ATP10B: variants seen among roughly 807,000 people sequenced by gnomAD.
ATP10B encodes the protein ATPase phospholipid transporting 10B (putative), also known as phospholipid-transporting ATPase VB.
In ATP10B, 122 loss-of-function variants were observed where a neutral mutation model predicts 141.2. The observed-to-expected ratio is 0.86, with a 90% CI of 0.75 to 1.00. The LOEUF (loss-of-function observed/expected upper bound fraction) is 1.00. Among genes scored for constraint, ATP10B ranks in the 50% least tolerant of loss-of-function variants. The pLI, the probability that ATP10B is intolerant of heterozygous loss-of-function variation, is 0.00. For missense variants in ATP10B, 1,876 were observed against 1,825.3 expected (o/e 1.03, Z -0.51); for synonymous variants, 685 against 692.0 (o/e 0.99, Z 0.16).
chr5:160,814,845 A>G (rs1773477887), intron 1 of ATP10B, among the ~76,000 whole-genome samples: 3 of 152,322 alleles, frequency 2.0e-5, no homozygotes, highest in African/African-American at 7.2e-5. Context: ...ATTCTTAAAG[A>G]AAAGATTTTT....
At chr5:160,577,000 T>G (rs749837118) in intron 24 of ATP10B, among the ~76,000 whole-genome samples, 1 of 152,176 alleles carries the variant, frequency 6.6e-6, no homozygotes, top group Non-Finnish European at 1.5e-5. Context: ...TCCAAACACC[T>G]CAGCTGGAAT....
chr5:160,871,616 G>A, the ATP10B span, among the ~76,000 whole-genome samples: 9 of 152,158 alleles, frequency 5.9e-5, no homozygotes, highest in South Asian at 2.1e-4. Flanking sequence ...GAGAACATAC[G>A]ATGTTTGGTT....
rs900769908 is a variant in ATP10B at position 160,640,708 on chromosome 5, C to A, written c.869-116G>T. On this transcript the variant is annotated intron_variant, in intron 9 of 25. Coordinates refer to ENST00000327245, the MANE Select transcript of ATP10B (RefSeq NM_025153.3). ...TAAAAGAGAGGCTTCACTCTTTAAC[C>A]TGAACTTGCCCCGCCTCAGAAGGTT... The A allele has an allele frequency of 1.7e-4, 231 of 1,367,570 alleles. 1 individual carries two copies. The highest frequency in any genetic ancestry group is 4.1e-5 in the Non-Finnish European group (41 of 1,008,840). 84.7% of individuals were successfully genotyped at this position (1,367,570 alleles called of 1,614,324 possible). A position where few individuals can be genotyped will look rare whatever the true frequency, so the allele number is the denominator to read the frequency against.
Position 160,620,478 on chromosome 5 carries a change from C to A in ATP10B, c.2285G>T (p.Cys762Phe). 1.2e-6 allele frequency: 2 copies of A among 1,614,222 alleles called. No homozygotes were observed. Among genetic ancestry groups the A allele is most frequent in the Non-Finnish European group, 1.7e-6 (2 of 1,180,044 alleles). Residue 762 changes from cysteine (C) to phenylalanine (F), a missense_variant, in exon 15 of 26, where the codon TGC becomes TTC. By Grantham distance (205) the Cys-to-Phe change is radical. Coordinates refer to ENST00000327245, the MANE Select transcript of ATP10B (RefSeq NM_025153.3). ...CCTGACAGAGTCAAAGCCCAGGGTG[C>A]AGAGGAGGCTGAAGGTGAGGCAGGT... Reference protein sequence around the residue: ...QGTCLTFSLLCTLGFDSVRKR... With the variant: ...QGTCLTFSLLFTLGFDSVRKR...
At chr5:160,616,043 TCTC>T in intron 16 of ATP10B, 79 bp from the exon 17 acceptor site, 1 of 1,514,450 alleles carries the variant, frequency 6.6e-7, no homozygotes, top group South Asian at 1.3e-5. Flanking sequence ...ACCTGCTGGG[TCTC>T]CTATTGGCCT....
chr5:160,813,147 G>C (rs1773294428), intron 1 of ATP10B, among the ~76,000 whole-genome samples: 1 of 152,160 alleles, frequency 6.6e-6, no homozygotes, highest in Non-Finnish European at 1.5e-5. Flanking sequence ...CAGGACAGTG[G>C]GTGCAGTGCA....
chr5:160,572,893 T>C (rs1411932284), intron 24 of ATP10B, among the ~76,000 whole-genome samples: 3 of 152,236 alleles, frequency 2.0e-5, no homozygotes. Context: ...GTCTTACAGA[T>C]ACAATTAAAG....
At chr5:160,732,567 C>A (rs572362035) in intron 2 of ATP10B, among the ~76,000 whole-genome samples, 1 of 152,220 alleles carries the variant, frequency 6.6e-6, no homozygotes, top group South Asian at 2.1e-4. Flanking sequence ...TATGTTTTCC[C>A]AGTGTAAGTT....
intron 1 of ATP10B, among the ~76,000 whole-genome samples, chr5:160,815,444 C>A (rs1468737574): frequency 1.3e-5 from 2 of 152,118 alleles, no homozygotes; most frequent in Non-Finnish European, 2.9e-5. Flanking sequence ...GCTAACTATC[C>A]TAAATATATA....
chr5:160,823,842 A>C (rs1276448712), intron 1 of ATP10B, among the ~76,000 whole-genome samples: 1 of 152,240 alleles, frequency 6.6e-6, no homozygotes, highest in Non-Finnish European at 1.5e-5. Flanking sequence ...TCCAAAAAAC[A>C]AACAAAATAA....
the ATP10B span, among the ~76,000 whole-genome samples, chr5:160,893,593 G>A: frequency 1.8e-3 from 279 of 152,300 alleles, no homozygotes; most frequent in African/African-American, 6.6e-3. Flanking sequence ...GAGCACCTGG[G>A]GGAAGGGGCA....
At chr5:160,775,883 G>A (rs771341105) in intron 2 of ATP10B, among the ~76,000 whole-genome samples, 14 of 151,908 alleles carry the variant, frequency 9.2e-5, no homozygotes, top group Non-Finnish European at 1.8e-4. Context: ...GGGTTTCACC[G>A]TGTTAGCCAG....
At chr5:160,913,664 G>A in the ATP10B span, among the ~76,000 whole-genome samples, 1 of 152,038 alleles carries the variant, frequency 6.6e-6, no homozygotes, top group Non-Finnish European at 1.5e-5. Context: ...AAAAGCTGAC[G>A]GCATTTAAAG....
intron 3 of ATP10B, among the ~76,000 whole-genome samples, chr5:160,698,518 T>C (rs1338706933): frequency 6.6e-6 from 1 of 152,220 alleles, no homozygotes; most frequent in Admixed American, 6.5e-5. Flanking sequence ...GCAGAAGTTG[T>C]AAATTCTTTG....
chr5:160,893,600 G>A, the ATP10B span, among the ~76,000 whole-genome samples: 1 of 152,184 alleles, frequency 6.6e-6, no homozygotes, highest in Non-Finnish European at 1.5e-5. Flanking sequence ...TGGGGGAAGG[G>A]GCAGCTGCAG....
the ATP10B span, among the ~76,000 whole-genome samples, chr5:160,896,335 T>C: frequency 6.6e-6 from 1 of 151,262 alleles, no homozygotes; most frequent in South Asian, 2.1e-4. Flanking sequence ...AAATCAAATA[T>C]ACACAATAAA....
At chr5:160,612,471 C>T in intron 18 of ATP10B, 1 of 285,126 alleles carries the variant, frequency 3.5e-6, no homozygotes, top group Non-Finnish European at 6.6e-6. Context: ...GAGACTAGAC[C>T]AATAGTAGAA....
intron 2 of ATP10B, among the ~76,000 whole-genome samples, chr5:160,732,886 G>A (rs549028653): frequency 5.9e-5 from 9 of 152,162 alleles, no homozygotes; most frequent in East Asian, 5.8e-4. Context: ...TCTGTTGCCC[G>A]TGCTACGGTG....
intron 1 of ATP10B, among the ~76,000 whole-genome samples, chr5:160,829,095 AT>A (rs1774864927): frequency 6.6e-6 from 1 of 150,702 alleles, no homozygotes; most frequent in Non-Finnish European, 1.5e-5. Context: ...ATTAGGAGAT[AT>A]ACCTAATTCT....
Sources: allele counts gnomAD v4.1 joint callset (sites outside exome capture counted in the v4.1 genomes callset), GRCh38; gene constraint gnomAD v4.1.1; transcripts MANE v1.5; gene names NCBI Gene and HGNC (gene_info 2026-07-23, HGNC 2026-07-21).